The following SPATA16 variants were observed in gnomAD, a reference collection of about 807,000 sequenced individuals.
SPATA16 encodes spermatogenesis-associated protein 16.
Under a neutral mutation model 63.3 loss-of-function variants are expected in SPATA16, and 36 were observed. The observed-to-expected ratio is 0.57, with a 90% CI of 0.44 to 0.75. The LOEUF (loss-of-function observed/expected upper bound fraction) is 0.75. SPATA16 is among the 30% of genes least tolerant of loss of function. SPATA16 has a pLI of 0.00. For synonymous variants in SPATA16, 203 were observed against 216.7 expected, an observed-to-expected ratio of 0.94 and a Z score of 0.56; for missense variants, 646 against 679.3, an observed-to-expected ratio of 0.95 and a Z score of 0.54.
intron 2 of SPATA16, among the ~76,000 whole-genome samples, chr3:173,094,146 G>A (rs1444679216): frequency 6.6e-6 from 1 of 151,602 alleles, no homozygotes; most frequent in Admixed American, 6.6e-5. Flanking sequence ...GTGCAATCTG[G>A]CTTAATCACT....
chr3:172,910,335 G>A (rs937370900), intron 10 of SPATA16, among the ~76,000 whole-genome samples: 11 of 151,934 alleles, frequency 7.2e-5, no homozygotes, highest in Non-Finnish European at 1.0e-4. Context: ...CTCGTGATCC[G>A]CCCGCCTTGG....
At chr3:172,947,550 CGGT>C (rs1189382519) in intron 6 of SPATA16, among the ~76,000 whole-genome samples, 2 of 150,206 alleles carry the variant, frequency 1.3e-5, no homozygotes, top group Non-Finnish European at 2.9e-5. Context: ...AATAGCAACA[CGGT>C]GGTGTAGGGG....
intron 1 of SPATA16, among the ~76,000 whole-genome samples, chr3:173,138,590 A>G (rs12489840): frequency 0.2 from 29,781 of 152,150 alleles, 3,100 homozygotes; most frequent in Middle Eastern, 0.27. Context: ...TAACTAATTT[A>G]TCTATGAAAA....
chr3:172,948,959 A>T (rs2109615225), intron 6 of SPATA16, among the ~76,000 whole-genome samples: 1 of 152,334 alleles, frequency 6.6e-6, no homozygotes, highest in Non-Finnish European at 1.5e-5. Context: ...AAGCAGGCAA[A>T]TTGAAGTCTA....
Position 173,117,283 on chromosome 3 carries a change from G to A in SPATA16, c.449C>T (p.Pro150Leu). 1 of 1,614,124 alleles carries A rather than the reference G, an allele frequency of 6.2e-7. No individual in the cohort carries two copies. The highest frequency in any genetic ancestry group is 8.5e-7 in the Non-Finnish European group (1 of 1,180,008). ...VESFMSTGSQ[P>L]TCQAAEIVDP... ...TACTATTTCAGCAGCTTGGCATGTTGGCTGACTCCCAGTAGACATGAAGGA... is the reference window on the plus strand; with the variant it reads ...TACTATTTCAGCAGCTTGGCATGTTAGCTGACTCCCAGTAGACATGAAGGA... Residue 150 changes from proline (P) to leucine (L), a missense_variant, in exon 2 of 11, where the codon CCA (proline) becomes CTA (leucine). Pro to Leu is a moderately conservative substitution (Grantham distance 98, BLOSUM62 -3). Coordinates refer to ENST00000351008, the MANE Select transcript of SPATA16 (RefSeq NM_031955.6).
intron 1 of SPATA16, among the ~76,000 whole-genome samples, chr3:173,128,353 A>G (rs1457108689): frequency 6.6e-6 from 1 of 152,172 alleles, no homozygotes; most frequent in East Asian, 1.9e-4. Context: ...TCAATCATTC[A>G]TTTATGATTT....
intron 5 of SPATA16, among the ~76,000 whole-genome samples, chr3:172,960,260 ATT>A (rs1474830222): frequency 6.6e-6 from 1 of 152,214 alleles, no homozygotes; most frequent in African/African-American, 2.4e-5. Flanking sequence ...TAATTGAATC[ATT>A]CTTTCTGGAC....
chr3:172,905,307 C>T (rs964730661), intron 10 of SPATA16, among the ~76,000 whole-genome samples: 3 of 152,104 alleles, frequency 2.0e-5, no homozygotes, highest in Non-Finnish European at 4.4e-5. Flanking sequence ...ATGAATGGTA[C>T]GGCTGCTGAA....
At chr3:173,010,688 T>G (rs893188906) in intron 4 of SPATA16, among the ~76,000 whole-genome samples, 11 of 152,070 alleles carry the variant, frequency 7.2e-5, no homozygotes, top group Non-Finnish European at 1.5e-4. Flanking sequence ...TCTTGGGGTC[T>G]TATGGCTTCC....
At chr3:173,019,728 G>T (rs1464958256) in intron 3 of SPATA16, among the ~76,000 whole-genome samples, 153 bp from the exon 4 acceptor site, 1 of 151,904 alleles carries the variant, frequency 6.6e-6, no homozygotes, top group Non-Finnish European at 1.5e-5. Context: ...CCCCGTAATT[G>T]GCAATTAAGA....
At chr3:173,035,418 G>A (rs1243480803) in intron 3 of SPATA16, among the ~76,000 whole-genome samples, 1 of 152,076 alleles carries the variant, frequency 6.6e-6, no homozygotes, top group African/African-American at 2.4e-5. Flanking sequence ...TTCAAACTGG[G>A]AGAGTGCCTC....
intron 10 of SPATA16, among the ~76,000 whole-genome samples, chr3:172,910,710 G>A (rs565140504): frequency 1.3e-5 from 2 of 152,240 alleles, no homozygotes; most frequent in Admixed American, 6.5e-5. Context: ...CTTAGTCTCT[G>A]TCATGGGCTT....
chr3:172,963,092 G>T (rs1246244645), intron 5 of SPATA16, among the ~76,000 whole-genome samples: 1 of 152,088 alleles, frequency 6.6e-6, no homozygotes, highest in African/African-American at 2.4e-5. Context: ...TGGTGTGTCA[G>T]AATAGAATAT....
At chr3:173,106,901 A>T (rs1050429070) in intron 2 of SPATA16, among the ~76,000 whole-genome samples, 7 of 152,034 alleles carry the variant, frequency 4.6e-5, no homozygotes, top group African/African-American at 1.7e-4. Context: ...TGTATCTTTA[A>T]TAAGGATAAT....
intron 3 of SPATA16, among the ~76,000 whole-genome samples, chr3:173,028,085 CTCTCTT>C (rs1735510241): frequency 1.2e-4 from 15 of 127,050 alleles, no homozygotes; most frequent in Admixed American, 7.1e-4. Context: ...CTTTCTCTCT[CTCTCTT>C]TCTTTCTTTC....
chr3:173,099,897 C>A (rs996679099), intron 2 of SPATA16, among the ~76,000 whole-genome samples: 5 of 152,166 alleles, frequency 3.3e-5, no homozygotes, highest in Non-Finnish European at 1.5e-5. Flanking sequence ...TCATTTTAAT[C>A]TTTTCATATT....
intron 4 of SPATA16, among the ~76,000 whole-genome samples, chr3:173,016,129 C>T (rs955167864): frequency 1.3e-5 from 2 of 152,196 alleles, no homozygotes; most frequent in African/African-American, 4.8e-5. Flanking sequence ...GCCATCTCCG[C>T]AATGTGACTA....
At chr3:172,965,874 C>G (rs1733908776) in intron 5 of SPATA16, among the ~76,000 whole-genome samples, 1 of 152,274 alleles carries the variant, frequency 6.6e-6, no homozygotes, top group East Asian at 1.9e-4. Context: ...CTGCGCCCGG[C>G]CTTTTCTTTA....
chr3:173,025,067 C>A (rs1735422170), intron 3 of SPATA16, among the ~76,000 whole-genome samples: 1 of 150,696 alleles, frequency 6.6e-6, no homozygotes, highest in South Asian at 2.1e-4. Context: ...TTTCTTATAA[C>A]TTTTACTGTT....
Sources: allele counts gnomAD v4.1 joint callset (sites outside exome capture counted in the v4.1 genomes callset), GRCh38; gene constraint gnomAD v4.1.1; transcripts MANE v1.5; gene names NCBI Gene and HGNC (gene_info 2026-07-23, HGNC 2026-07-21).